Variants in TNN observed in about 807,000 individuals in gnomAD.
TNN encodes the protein tenascin N, also known as tenascin-N.
TNN carries 122 observed loss-of-function variants against 134.4 expected under a neutral mutation model. That is an observed-to-expected ratio of 0.91 (90% CI 0.78 to 1.06). TNN has a LOEUF of 1.06. TNN is among the 50% of genes least tolerant of loss of function. The probability of loss-of-function intolerance (pLI) is 0.00; values close to 1 mark genes in which losing one functional copy is unlikely to be tolerated. For missense variants in TNN, 1,739 were observed against 1,699.4 expected, an observed-to-expected ratio of 1.02 and a Z score of -0.41; for synonymous variants, 710 against 670.3, an observed-to-expected ratio of 1.06 and a Z score of -0.91.
At chr1:175,072,825 A>G (rs1290857618) in intron 1 of TNN, among the ~76,000 whole-genome samples, 1 of 152,056 alleles carries the variant, frequency 6.6e-6, no homozygotes, top group Non-Finnish European at 1.5e-5. Flanking sequence ...AAGGGCTCCA[A>G]CAGGGACTTG....
At chr1:175,117,227 G>C (rs764602390) in intron 10 of TNN, 22 bp downstream of exon 10, 35 of 1,606,926 alleles carry the variant, frequency 2.2e-5, no homozygotes, top group Non-Finnish European at 3.0e-5. Flanking sequence ...TGTTCTTTGG[G>C]AATATAAGAG....
chr1:175,085,635 G>A, intron 6 of TNN, 141 bp downstream of exon 6: 1 of 657,722 alleles, frequency 1.5e-6, no homozygotes, highest in Admixed American at 2.2e-5. Flanking sequence ...AGCACTTTGG[G>A]AGGCCAAGGC....
intron 1 of TNN, among the ~76,000 whole-genome samples, chr1:175,068,484 T>C (rs1323758495): frequency 6.6e-6 from 1 of 152,240 alleles, no homozygotes; most frequent in African/African-American, 2.4e-5. Context: ...TTGAACAGCT[T>C]TGAAGTATCT....
chr1:175,123,420 C>A lies in TNN; in HGVS notation c.2671C>A (p.Leu891Ile). ...AAAAGAAATTGACGGCCCCAAAAAC[C>A]TAGTGACTGACTGGGTGACGGAGAA... ...AQTEIDGPKN[L>I]VTDWVTENMA... The change falls in exon 12 of 19, where the codon CTA becomes ATA. Residue 891 changes from leucine (L) to isoleucine (I), a missense_variant. Leu to Ile is a conservative substitution (Grantham distance 5). Transcript: ENST00000239462. 1 of 1,614,118 alleles carries A rather than the reference C, an allele frequency of 6.2e-7. No homozygotes were observed. Among genetic ancestry groups the A allele is most frequent in the Non-Finnish European group, 8.5e-7 (1 of 1,180,022 alleles).
chr1:175,127,117 C>T lies in TNN; in HGVS notation c.3045+32C>T, dbSNP rs535349388. On this transcript the variant is annotated intron_variant, in intron 13 of 18. Transcript: ENST00000239462. Reference sequence around the variant, plus strand: ...GGATTCCTTGTCTTTTCTCCTGGTGCCTTCTCTTCTGTGTGAAGCAACTAA... The same window carrying T: ...GGATTCCTTGTCTTTTCTCCTGGTGTCTTCTCTTCTGTGTGAAGCAACTAA... 5.6e-5 allele frequency: 90 copies of T among 1,604,012 alleles called. 1 individual carries two copies. The highest frequency in any genetic ancestry group is 3.1e-4 in the South Asian group (28 of 89,278).
At chr1:175,102,383 A>G (rs1674747134) in intron 9 of TNN, among the ~76,000 whole-genome samples, 2 of 146,064 alleles carry the variant, frequency 1.4e-5, no homozygotes, top group Admixed American at 1.4e-4. Context: ...CGGGCTGCAC[A>G]GGAACCCACA....
At chr1:175,124,657 G>A (rs928393263) in intron 12 of TNN, among the ~76,000 whole-genome samples, 35 of 151,294 alleles carry the variant, frequency 2.3e-4, no homozygotes, top group African/African-American at 8.3e-4. Flanking sequence ...CTCCAGCCTG[G>A]GCAACAAAGA....
chr1:175,081,714 C>T (rs1674201148), intron 4 of TNN, among the ~76,000 whole-genome samples: 2 of 152,166 alleles, frequency 1.3e-5, no homozygotes, highest in South Asian at 4.1e-4. Flanking sequence ...CTTGATTGTT[C>T]TAGCATGGGT....
chr1:175,123,519 G>A lies in TNN; in HGVS notation c.2770G>A (p.Gly924Arg), dbSNP rs773331656. Residue 924 changes from glycine (G) to arginine (R), a missense_variant, in exon 12 of 19, where the codon GGA becomes AGA. By Grantham distance (125) the Gly-to-Arg change is moderately radical (BLOSUM62 -2). Coordinates refer to ENST00000239462, the MANE Select transcript of TNN (RefSeq NM_022093.2). ...KYMVRYTSAD[G>R]ETREVPVGKE... ...CATGGTGCGCTACACCTCTGCTGAC[G>A]GAGAGACCAGGGAGGTTCCGGTGGG... is the stretch of plus-strand genomic sequence containing the variant. 32 of 1,613,968 alleles carry A rather than the reference G, an allele frequency of 2.0e-5. No individual in the cohort carries two copies. Among genetic ancestry groups the A allele is most frequent in the East Asian group, 2.2e-5 (1 of 44,892 alleles).
At chr1:175,137,363 AGTGTGT>A (rs36158819) in intron 17 of TNN, among the ~76,000 whole-genome samples, 33 of 62,672 alleles carry the variant, frequency 5.3e-4, no homozygotes, top group Admixed American at 1.3e-3. Flanking sequence ...TCTGCACAGT[AGTGTGT>A]GTGTGTGTGT....
chr1:175,099,461 A>C (rs12076122), intron 9 of TNN, among the ~76,000 whole-genome samples: 23,931 of 146,896 alleles, frequency 0.16, 2,025 homozygotes, highest in Non-Finnish European at 0.19. Flanking sequence ...GTAAGGAGGA[A>C]AGGTGAGGGG....
intron 1 of TNN, 96 bp downstream of exon 1, chr1:175,068,031 C>G: frequency 4.6e-6 from 2 of 434,412 alleles, no homozygotes; most frequent in Admixed American, 2.5e-5. Context: ...CCTCCGTTCC[C>G]GAGCCTGAAA....
Position 175,128,637 on chromosome 1 carries a change from A to G in TNN, c.3221A>G (p.Gln1074Arg). The stretch of plus-strand genomic sequence containing the variant: ...CACCCTTCGGACTGCAGTCAGGTTC[A>G]GCAGAACAGCAATGCCGCCAGTGGT... The part of the protein sequence containing the change: ...FPHPSDCSQV[Q>R]QNSNAASGLY... Residue 1074 changes from glutamine (Q) to arginine (R), a missense_variant, in exon 15 of 19, where the codon CAG (glutamine) becomes CGG (arginine). Physicochemically the swap from Gln to Arg is conservative, Grantham distance 43. Coordinates refer to ENST00000239462, the MANE Select transcript of TNN (RefSeq NM_022093.2). The G allele has an allele frequency of 6.2e-7, 1 of 1,613,938 alleles. No individual in the cohort carries two copies. Among genetic ancestry groups the G allele is most frequent in the Non-Finnish European group, 8.5e-7 (1 of 1,179,914 alleles).
chr1:175,099,919 C>T (rs1674677713), intron 9 of TNN, among the ~76,000 whole-genome samples: 2 of 152,064 alleles, frequency 1.3e-5, no homozygotes, highest in South Asian at 4.2e-4. Context: ...CCCCCAGCGC[C>T]TCTCTGGTGG....
At chr1:175,124,077 A>G (rs1177851792) in intron 12 of TNN, among the ~76,000 whole-genome samples, 1 of 152,144 alleles carries the variant, frequency 6.6e-6, no homozygotes, top group Non-Finnish European at 1.5e-5. Flanking sequence ...CCTGAATTGC[A>G]TGTATTTTGT....
At chr1:175,098,714 CA>C in intron 9 of TNN, 119 bp downstream of exon 9, 1 of 1,412,706 alleles carries the variant, frequency 7.1e-7, no homozygotes, top group Non-Finnish European at 9.6e-7. Context: ...GGTATCCTCC[CA>C]TAATACATTG....
At chr1:175,069,087 A>G (rs916857737) in intron 1 of TNN, among the ~76,000 whole-genome samples, 16 of 152,182 alleles carry the variant, frequency 1.1e-4, no homozygotes, top group Non-Finnish European at 4.4e-5. Flanking sequence ...TTATATAAGC[A>G]TTAAAAAAAA....
intron 9 of TNN, among the ~76,000 whole-genome samples, chr1:175,113,397 C>A (rs143346853): frequency 3.9e-5 from 6 of 152,274 alleles, no homozygotes; most frequent in Non-Finnish European, 7.4e-5. Context: ...TCTCTCCTGG[C>A]CTGTAAGATT....
chr1:175,123,255 A>G, intron 11 of TNN, 145 bp from the exon 12 acceptor site: 2 of 915,632 alleles, frequency 2.2e-6, no homozygotes, highest in Non-Finnish European at 3.4e-6. Flanking sequence ...TTGGAAATGG[A>G]GACCAGGGGC....
Sources: gnomAD v4.1 joint callset for allele counts (sites outside exome capture counted in the v4.1 genomes callset) on GRCh38, gnomAD v4.1.1 for gene constraint, MANE v1.5 for transcripts, NCBI Gene and HGNC (gene_info 2026-07-23, HGNC 2026-07-21) for gene names.